The following GRM5 variants were observed in gnomAD, a reference collection of about 807,000 sequenced individuals.
GRM5 encodes the protein metabotropic glutamate receptor 5.
In GRM5, 19 loss-of-function variants were observed where a neutral mutation model predicts 83.1. The observed-to-expected ratio is 0.23, with a 90% CI of 0.16 to 0.34. GRM5 has a LOEUF of 0.34. Ranked by LOEUF, GRM5 falls within the 10% of genes least tolerant of loss-of-function variation. The probability of loss-of-function intolerance (pLI) is 1.00; values close to 1 mark genes in which losing one functional copy is unlikely to be tolerated. For synonymous variants in GRM5, 675 were observed against 633.6 expected, an observed-to-expected ratio of 1.07 and a Z score of -0.98; for missense variants, 1,160 against 1,588.3, an observed-to-expected ratio of 0.73 and a Z score of 4.58.
chr11:88,939,275 G>A (rs1044484791), intron 2 of GRM5, among the ~76,000 whole-genome samples: 1 of 151,434 alleles, frequency 6.6e-6, no homozygotes, highest in Non-Finnish European at 1.5e-5. Flanking sequence ...TTTGGTACCC[G>A]GTGTGCTTAC....
chr11:88,762,418 G>A (rs1942540779), intron 3 of GRM5, among the ~76,000 whole-genome samples: 1 of 151,808 alleles, frequency 6.6e-6, no homozygotes, highest in Non-Finnish European at 1.5e-5. Flanking sequence ...CAGCCAACAA[G>A]CATAAGAAAA....
chr11:88,648,960 G>A (rs984513636), intron 4 of GRM5, among the ~76,000 whole-genome samples: 1 of 147,300 alleles, frequency 6.8e-6, no homozygotes, highest in Non-Finnish European at 1.5e-5. Flanking sequence ...TTATTCTACA[G>A]GCTTAAGGAG....
At chr11:88,685,624 G>A (rs1565185973) in intron 3 of GRM5, among the ~76,000 whole-genome samples, 1 of 152,120 alleles carries the variant, frequency 6.6e-6, no homozygotes, top group African/African-American at 2.4e-5. Context: ...GGAAAAAGTA[G>A]TTTCCTGGGC....
chr11:88,946,857 A>G (rs564709071), intron 2 of GRM5, among the ~76,000 whole-genome samples: 21 of 152,226 alleles, frequency 1.4e-4, no homozygotes, highest in Admixed American at 1.4e-3. Context: ...AAATGAGAAC[A>G]GGATGGCATT....
chr11:88,826,459 TTTTA>T (rs1943895947), intron 3 of GRM5, among the ~76,000 whole-genome samples: 3 of 151,234 alleles, frequency 2.0e-5, no homozygotes, highest in Non-Finnish European at 4.4e-5. Flanking sequence ...TATATAATTA[TTTTA>T]TTTATTTATT....
intron 2 of GRM5, among the ~76,000 whole-genome samples, chr11:88,982,573 G>A (rs1344104600): frequency 6.6e-6 from 1 of 151,604 alleles, no homozygotes; most frequent in Non-Finnish European, 1.5e-5. Flanking sequence ...TAAAATACAG[G>A]GAAATAGACA....
intron 3 of GRM5, among the ~76,000 whole-genome samples, chr11:88,676,500 T>C (rs1426657069): frequency 6.6e-6 from 1 of 152,034 alleles, no homozygotes; most frequent in Non-Finnish European, 1.5e-5. Flanking sequence ...ATAGTAAACA[T>C]TGAATAATTA....
chr11:88,754,226 T>A (rs1942348824), intron 3 of GRM5, among the ~76,000 whole-genome samples: 1 of 152,074 alleles, frequency 6.6e-6, no homozygotes, highest in Admixed American at 6.6e-5. Context: ...AAATGGGAGC[T>A]GAGTGATGAG....
chr11:88,586,904 A>G (rs933569218), intron 7 of GRM5, among the ~76,000 whole-genome samples: 2 of 152,152 alleles, frequency 1.3e-5, no homozygotes, highest in Non-Finnish European at 2.9e-5. Flanking sequence ...CACTGTCTAT[A>G]TAGGATAAAT....
intron 3 of GRM5, among the ~76,000 whole-genome samples, chr11:88,764,586 T>C (rs1313657614): frequency 9.6e-6 from 1 of 104,582 alleles, no homozygotes; most frequent in Non-Finnish European, 2.9e-5. Context: ...GGGAAATAAA[T>C]AACCATTCTT....
intron 3 of GRM5, among the ~76,000 whole-genome samples, chr11:88,685,791 C>A (rs1239727773): frequency 6.6e-6 from 1 of 152,190 alleles, no homozygotes; most frequent in Non-Finnish European, 1.5e-5. Context: ...GGTGTTGAGA[C>A]TGCAGGTGGA....
At chr11:88,918,276 C>T (rs1590963240) in intron 2 of GRM5, among the ~76,000 whole-genome samples, 1 of 151,530 alleles carries the variant, frequency 6.6e-6, no homozygotes, top group Non-Finnish European at 1.5e-5. Flanking sequence ...AAATATCCTG[C>T]AGACATGAAG....
intron 5 of GRM5, among the ~76,000 whole-genome samples, chr11:88,598,047 C>A (rs1428630869): frequency 6.6e-6 from 1 of 152,026 alleles, no homozygotes; most frequent in Non-Finnish European, 1.5e-5. Flanking sequence ...TATAAGTAAG[C>A]TCATTTCTAG....
chr11:88,516,244 T>G (rs1466989371), intron 9 of GRM5, among the ~76,000 whole-genome samples: 2 of 152,144 alleles, frequency 1.3e-5, no homozygotes, highest in African/African-American at 4.8e-5. Flanking sequence ...ATGAGGCTTA[T>G]GGAACTTAAC....
intron 3 of GRM5, among the ~76,000 whole-genome samples, chr11:88,798,847 A>T (rs942815457): frequency 4.6e-5 from 7 of 151,360 alleles, no homozygotes; most frequent in African/African-American, 1.7e-4. Context: ...CAACAAAAAA[A>T]AACTGCAACA....
chr11:88,508,984 C>T lies in GRM5; in HGVS notation c.3247G>A (p.Ala1083Thr), dbSNP rs1455514264. The change falls in exon 10 of 10, where the codon GCG (alanine) becomes ACG (threonine). Residue 1083 changes from alanine to threonine, a missense_variant. This residue lies in a region of GRM5 where 562 missense variants were observed against 532.4 expected (regional missense o/e 1.06). Transcript: ENST00000305447. The surrounding 1 kb of genome is among the most constrained non-coding windows in gnomAD (Gnocchi z 4.2). ...GCGCCGACGCCGGGGCTGGGGGCCG[C>T]GGTGGACAGCATCATGGAGTTGAGC... is the stretch of plus-strand genomic sequence containing the variant. ...SELNSMMLST[A>T]APSPGVGAPL... 8.9e-6 allele frequency: 14 copies of T among 1,581,680 alleles called. No homozygotes were observed. The African/African-American group carries it at 1.7e-4, about 20-fold the overall frequency.
intron 3 of GRM5, among the ~76,000 whole-genome samples, chr11:88,808,151 G>GTA (rs887280284): frequency 1.9e-4 from 29 of 152,006 alleles, no homozygotes; most frequent in Admixed American, 5.2e-4. Context: ...ATTTTACATA[G>GTA]TATATATATG....
chr11:88,629,638 C>A (rs1409214979), intron 4 of GRM5, among the ~76,000 whole-genome samples: 2 of 152,142 alleles, frequency 1.3e-5, no homozygotes, highest in African/African-American at 4.8e-5. Flanking sequence ...CACTCGCTTA[C>A]CCACAGGATA....
At chr11:88,960,714 T>A (rs1938755975) in intron 2 of GRM5, among the ~76,000 whole-genome samples, 1 of 152,174 alleles carries the variant, frequency 6.6e-6, no homozygotes, top group South Asian at 2.1e-4. Flanking sequence ...AGATTCCCCA[T>A]CACTGCTGGT....
Sources: gnomAD v4.1 joint callset for allele counts (sites outside exome capture counted in the v4.1 genomes callset) on GRCh38, gnomAD v4.1.1 for gene constraint, gnomAD v4.1.1 regional missense constraint, Gnocchi (gnomAD v3.1) non-coding constraint, MANE v1.5 for transcripts, NCBI Gene and HGNC (gene_info 2026-07-23, HGNC 2026-07-21) for gene names.